The following PPARGC1B variants were observed in gnomAD, a reference collection of about 807,000 sequenced individuals.
PPARGC1B encodes peroxisome proliferator-activated receptor gamma coactivator 1-beta.
Under a neutral mutation model 101.6 loss-of-function variants are expected in PPARGC1B, and 34 were observed. That is an observed-to-expected ratio of 0.33 (90% CI 0.25 to 0.45). PPARGC1B has a LOEUF of 0.45. Among genes scored for constraint, PPARGC1B ranks in the 20% least tolerant of loss-of-function variants. The pLI, the probability that PPARGC1B is intolerant of heterozygous loss-of-function variation, is 1.00. For missense variants in PPARGC1B, 1,234 were observed against 1,317.6 expected (o/e 0.94, Z 0.98); for synonymous variants, 548 against 539.3 (o/e 1.02, Z -0.22).
chr5:149,772,112 C>A (rs1274272796), intron 1 of PPARGC1B: 1 of 1,592,808 alleles, frequency 6.3e-7, no homozygotes, highest in South Asian at 1.1e-5. Context: ...GCCCCAGGAC[C>A]CTTGGAGGAG....
intron 1 of PPARGC1B, among the ~76,000 whole-genome samples, chr5:149,759,293 T>C (rs1007236405): frequency 2.6e-5 from 4 of 152,196 alleles, no homozygotes; most frequent in African/African-American, 9.6e-5. Context: ...TGGTTTGCAC[T>C]TCTCTCTTCT....
chr5:149,804,395 C>A (rs560902120), intron 1 of PPARGC1B, among the ~76,000 whole-genome samples: 26 of 152,140 alleles, frequency 1.7e-4, no homozygotes, highest in African/African-American at 6.3e-4. Flanking sequence ...GTGATGCGGC[C>A]GGGTGCGGTG....
At chr5:149,799,176 G>A (rs1245071117) in intron 1 of PPARGC1B, among the ~76,000 whole-genome samples, 1 of 152,154 alleles carries the variant, frequency 6.6e-6, no homozygotes, top group Non-Finnish European at 1.5e-5. Flanking sequence ...AAGAAGTGGT[G>A]GCTTTATTTC....
At chr5:149,831,429 C>T (rs1021000342) in intron 4 of PPARGC1B, among the ~76,000 whole-genome samples, 6 of 152,180 alleles carry the variant, frequency 3.9e-5, no homozygotes, top group African/African-American at 1.2e-4. Context: ...TGGTCCTGGA[C>T]GCTTCTCCTG....
At chr5:149,795,641 C>T (rs1267840398) in intron 1 of PPARGC1B, among the ~76,000 whole-genome samples, 3 of 152,086 alleles carry the variant, frequency 2.0e-5, no homozygotes, top group African/African-American at 4.8e-5. Context: ...CTCCTCAGGG[C>T]AGAGGACGCA....
chr5:149,740,039 C>T (rs971827404), intron 1 of PPARGC1B: 1 of 152,228 alleles, frequency 6.6e-6, no homozygotes, highest in Non-Finnish European at 1.5e-5. Context: ...AGACCAGAGA[C>T]GAGACCTGAG....
At chr5:149,780,889 G>C (rs1470784574) in intron 1 of PPARGC1B, among the ~76,000 whole-genome samples, 2 of 152,210 alleles carry the variant, frequency 1.3e-5, no homozygotes, top group Admixed American at 6.5e-5. Context: ...GTCAGAAGGG[G>C]AAGTTCTGGC....
At chr5:149,735,939 C>A (rs537857431) in intron 1 of PPARGC1B, among the ~76,000 whole-genome samples, 1 of 152,208 alleles carries the variant, frequency 6.6e-6, no homozygotes, top group Non-Finnish European at 1.5e-5. Flanking sequence ...GCCTGACCAA[C>A]GTGGTGAAAC....
At chr5:149,769,484 G>A (rs1207957476) in intron 1 of PPARGC1B, among the ~76,000 whole-genome samples, 1 of 152,182 alleles carries the variant, frequency 6.6e-6, no homozygotes, top group African/African-American at 2.4e-5. Flanking sequence ...TCCAGGAGGG[G>A]AAGTGCTTCT....
At chr5:149,824,960 G>T (rs1361723693) in intron 2 of PPARGC1B, among the ~76,000 whole-genome samples, 1 of 152,060 alleles carries the variant, frequency 6.6e-6, no homozygotes, top group Non-Finnish European at 1.5e-5. Flanking sequence ...CAGATTTAGT[G>T]CAGCCAAAAG....
intron 1 of PPARGC1B, among the ~76,000 whole-genome samples, chr5:149,756,478 C>A (rs1036901923): frequency 5.3e-5 from 8 of 152,034 alleles, no homozygotes; most frequent in African/African-American, 1.2e-4. Flanking sequence ...AACAAAAAAC[C>A]AAAACAACAA....
intron 1 of PPARGC1B, among the ~76,000 whole-genome samples, chr5:149,762,843 A>G (rs778273620): frequency 1.3e-5 from 2 of 151,804 alleles, no homozygotes; most frequent in Non-Finnish European, 2.9e-5. Flanking sequence ...CTGGAGTGCA[A>G]TGGTGTGATC....
intron 3 of PPARGC1B, among the ~76,000 whole-genome samples, chr5:149,827,377 C>T (rs544961771): frequency 6.6e-6 from 1 of 152,226 alleles, no homozygotes; most frequent in Non-Finnish European, 1.5e-5. Flanking sequence ...GGGCTCTGCA[C>T]GTTGCTTTCA....
At chr5:149,811,060 C>T (rs918539929) in intron 1 of PPARGC1B, among the ~76,000 whole-genome samples, 2 of 152,070 alleles carry the variant, frequency 1.3e-5, no homozygotes, top group African/African-American at 4.8e-5. Flanking sequence ...TCAGATAAAG[C>T]GCAAAATTGT....
At chr5:149,846,485 T>G (rs1315920522) in intron 11 of PPARGC1B, 1 of 155,652 alleles carries the variant, frequency 6.4e-6, no homozygotes, top group African/African-American at 2.4e-5. Context: ...AATATAAAAA[T>G]TAGCCAGGCA....
intron 1 of PPARGC1B, among the ~76,000 whole-genome samples, chr5:149,802,356 A>G (rs1164844488): frequency 6.6e-6 from 1 of 151,938 alleles, no homozygotes; most frequent in African/African-American, 2.4e-5. Context: ...TGGGCTTTGC[A>G]TGTTGCCTGC....
At chr5:149,820,737 T>G in intron 2 of PPARGC1B, 131 bp downstream of exon 2, 1 of 921,726 alleles carries the variant, frequency 1.1e-6, no homozygotes, top group Admixed American at 2.6e-5. Flanking sequence ...CCAAAGCTGT[T>G]GGGCCCCGGT....
chr5:149,809,738 A>G (rs1288215558), intron 1 of PPARGC1B, among the ~76,000 whole-genome samples: 2 of 150,136 alleles, frequency 1.3e-5, no homozygotes, highest in Non-Finnish European at 1.5e-5. Context: ...TGTTATTTAT[A>G]TTTTACCACA....
intron 1 of PPARGC1B, among the ~76,000 whole-genome samples, chr5:149,765,088 T>C (rs1346062532): frequency 6.6e-6 from 1 of 151,918 alleles, no homozygotes; most frequent in Non-Finnish European, 1.5e-5. Flanking sequence ...TGGGGTGGGC[T>C]TCTTCTCAAG....
Sources: allele counts gnomAD v4.1 joint callset (sites outside exome capture counted in the v4.1 genomes callset), GRCh38; gene constraint gnomAD v4.1.1; transcripts MANE v1.5; gene names NCBI Gene and HGNC (gene_info 2026-07-23, HGNC 2026-07-21).